Variants in OLFML2A observed in about 807,000 individuals in gnomAD.
OLFML2A encodes the protein olfactomedin like 2A, also known as olfactomedin-like protein 2A.
OLFML2A carries 47 observed loss-of-function variants against 60.9 expected under a neutral mutation model. The ratio of observed to expected loss-of-function variants is 0.77; its 90% CI spans 0.61 to 0.98. The LOEUF (loss-of-function observed/expected upper bound fraction) is 0.98. Among genes scored for constraint, OLFML2A ranks in the 50% least tolerant of loss-of-function variants. The probability of loss-of-function intolerance (pLI) is 0.00; values close to 1 mark genes in which losing one functional copy is unlikely to be tolerated. For synonymous variants in OLFML2A, 372 were observed against 375.0 expected (o/e 0.99, Z 0.09); for missense variants, 922 against 879.8 (o/e 1.05, Z -0.61).
rs745333156 is a variant in OLFML2A at position 124,799,443 on chromosome 9, C to T, written c.621C>T (p.Ala207=). ...RLGLQLLQKD[A]AAAPATPATG... ...GCCTCCAGCTGCTGCAGAAGGATGC[C>T]GCCGCCGCCCCTGCCACCCCTGCCA... The change falls in exon 4 of 8, where the codon GCC becomes GCT. Residue 207 remains alanine (A), a synonymous_variant. Coordinates refer to ENST00000373580, the MANE Select transcript of OLFML2A (RefSeq NM_182487.4). 8.7e-6 allele frequency: 14 copies of T among 1,608,536 alleles called. No individual in the cohort carries two copies. Among genetic ancestry groups the T allele is most frequent in the East Asian group, 4.5e-5 (2 of 44,642 alleles).
chr9:124,792,185 C>G (rs1401362513), intron 2 of OLFML2A, among the ~76,000 whole-genome samples: 2 of 152,200 alleles, frequency 1.3e-5, no homozygotes, highest in African/African-American at 4.8e-5. Flanking sequence ...CTACCTGTGC[C>G]CCTGATTCTG....
At position 124,814,455 on chromosome 9, in the gene OLFML2A, TC is replaced by T. The variant is rs5900626; in HGVS notation, c.*4051del. On this transcript the variant is annotated 3_prime_UTR_variant, in exon 8 of 8. Coordinates refer to ENST00000373580, the MANE Select transcript of OLFML2A (RefSeq NM_182487.4). ...GACCCTTCTAGAGCTTTACCCCTAA[TC>T]CCCCCCCAGGAGCCCCGAGGCCGGC... 0.092 allele frequency: 13,919 copies of T among 151,352 alleles called. 1,559 individuals are homozygous for T. Among genetic ancestry groups the T allele is most frequent in the East Asian group, 0.41 (2,104 of 5,142 alleles). The allele number at this position is 151,352 out of a possible 1,614,324, so 9.4% of individuals were successfully genotyped here. A position where few individuals can be genotyped will look rare whatever the true frequency, so the allele number is the denominator to read the frequency against.
At chr9:124,796,681 G>A (rs536637857) in intron 3 of OLFML2A, among the ~76,000 whole-genome samples, 6 of 152,160 alleles carry the variant, frequency 3.9e-5, no homozygotes, top group Admixed American at 1.3e-4. Flanking sequence ...AAAACCTCCC[G>A]GGGGATAAGC....
At chr9:124,808,097 A>G (rs981020225) in intron 7 of OLFML2A, 131 bp downstream of exon 7, 1 of 695,064 alleles carries the variant, frequency 1.4e-6, no homozygotes, top group Non-Finnish European at 2.4e-6. Flanking sequence ...ATTGTTAGCC[A>G]CCCCAAGGAG....
Position 124,779,666 on chromosome 9 carries a change from C to G in OLFML2A, c.90+2306C>G, listed in dbSNP as rs532153240. ...CAGCACAGCCCTCCCCCAGACACCT[C>G]CCACCCCCAAACCACTTCAGCCAGC... On this transcript the variant is annotated intron_variant, in intron 1 of 7. Coordinates refer to ENST00000373580, the MANE Select transcript of OLFML2A (RefSeq NM_182487.4). This position sits in a 1 kb window ranked among gnomAD's most constrained non-coding sequence, Gnocchi z 4.1. Among the ~76,000 whole-genome samples the G allele has an allele frequency of 2.6e-5, 4 of 152,038 alleles. No homozygotes were observed. In the East Asian group the frequency reaches 7.7e-4, roughly 29 times the overall value.
At chr9:124,807,574 C>T (rs945295767) in intron 6 of OLFML2A, among the ~76,000 whole-genome samples, 9 of 152,156 alleles carry the variant, frequency 5.9e-5, no homozygotes, top group Admixed American at 4.6e-4. Context: ...TCAGCCATTG[C>T]GCCTGGCCTC....
At chr9:124,782,788 C>G (rs1006671435) in intron 1 of OLFML2A, among the ~76,000 whole-genome samples, 23 of 152,204 alleles carry the variant, frequency 1.5e-4, no homozygotes, top group African/African-American at 5.5e-4. Flanking sequence ...AGGAATGTCA[C>G]GGTCCGATGT....
chr9:124,797,038 C>G (rs537743446), intron 3 of OLFML2A, among the ~76,000 whole-genome samples: 44 of 152,286 alleles, frequency 2.9e-4, no homozygotes, highest in South Asian at 8.3e-4. Flanking sequence ...GGGTCTCACT[C>G]TGTAGGCCAG....
intron 2 of OLFML2A, among the ~76,000 whole-genome samples, chr9:124,789,848 T>G (rs1306309469): frequency 6.6e-6 from 1 of 152,240 alleles, no homozygotes; most frequent in Non-Finnish European, 1.5e-5. Flanking sequence ...AGCTTGGCAG[T>G]CCCTGGATCA....
At position 124,813,634 on chromosome 9, in the gene OLFML2A, G is replaced by A. The variant is rs1427316296; in HGVS notation, c.*3222G>A. 3.3e-5 allele frequency: 5 copies of A among 152,202 alleles called. No homozygotes were observed. Among genetic ancestry groups the A allele is most frequent in the Admixed American group, 3.3e-4 (5 of 15,278 alleles). 9.4% of individuals were successfully genotyped at this position (152,202 alleles called of 1,614,324 possible). A position where few individuals can be genotyped will look rare whatever the true frequency, so the allele number is the denominator to read the frequency against. On this transcript the variant is annotated 3_prime_UTR_variant, in exon 8 of 8. Coordinates refer to ENST00000373580, the MANE Select transcript of OLFML2A (RefSeq NM_182487.4). ...TCCACAGAGAAGCCCCAAGAAGGAG[G>A]TTGGGGCCAGCTCATAAAAAGCCTG...
chr9:124,801,762 C>A, intron 5 of OLFML2A, 99 bp downstream of exon 5: 2 of 1,299,292 alleles, frequency 1.5e-6, no homozygotes, highest in Non-Finnish European at 2.1e-6. Context: ...AGATTCAGTT[C>A]CACCCATTGA....
chr9:124,800,537 C>T (rs1342072598), intron 4 of OLFML2A, among the ~76,000 whole-genome samples: 2 of 152,208 alleles, frequency 1.3e-5, no homozygotes, highest in Admixed American at 1.3e-4. Context: ...CTCTTCCTCT[C>T]TTCTTCTCCA....
intron 2 of OLFML2A, among the ~76,000 whole-genome samples, chr9:124,789,568 C>T (rs1005473050): frequency 3.2e-4 from 48 of 152,296 alleles, no homozygotes; most frequent in African/African-American, 1.1e-3. Flanking sequence ...GATGCCTGCC[C>T]TTTCTTCTGG....
chr9:124,786,936 G>A, intron 1 of OLFML2A, 39 bp from the exon 2 acceptor site: 1 of 1,582,696 alleles, frequency 6.3e-7, no homozygotes. Context: ...GCACTGCCTA[G>A]CAGCAACTCA....
At chr9:124,781,333 T>G (rs538420177) in intron 1 of OLFML2A, among the ~76,000 whole-genome samples, 56 of 152,118 alleles carry the variant, frequency 3.7e-4, no homozygotes, top group South Asian at 2.1e-4. Context: ...TAGGTGGACA[T>G]GGGTCTGGGA....
intron 5 of OLFML2A, among the ~76,000 whole-genome samples, chr9:124,803,725 G>T (rs1335190061): frequency 1.3e-5 from 2 of 152,240 alleles, no homozygotes; most frequent in Non-Finnish European, 2.9e-5. Context: ...TGATGCATAG[G>T]AAGGAAAGGG....
intron 2 of OLFML2A, among the ~76,000 whole-genome samples, chr9:124,788,127 C>G (rs1257668744): frequency 6.6e-6 from 1 of 150,674 alleles, no homozygotes; most frequent in Non-Finnish European, 1.5e-5. Context: ...ATGATGAAAC[C>G]CTGTTTCTGC....
At chr9:124,786,646 A>G (rs1192905133) in intron 1 of OLFML2A, among the ~76,000 whole-genome samples, 3 of 149,120 alleles carry the variant, frequency 2.0e-5, no homozygotes, top group Non-Finnish European at 4.5e-5. Context: ...GCGTGAACCC[A>G]GGAGGCGGAG....
At chr9:124,798,017 A>G (rs1264816814) in intron 3 of OLFML2A, among the ~76,000 whole-genome samples, 1 of 152,190 alleles carries the variant, frequency 6.6e-6, no homozygotes, top group Admixed American at 6.5e-5. Flanking sequence ...CAGTGCTGGG[A>G]GAGGAGCCGG....
Sources: gnomAD v4.1 joint callset for allele counts (sites outside exome capture counted in the v4.1 genomes callset) on GRCh38, gnomAD v4.1.1 for gene constraint, Gnocchi (gnomAD v3.1) non-coding constraint, MANE v1.5 for transcripts, NCBI Gene and HGNC (gene_info 2026-07-23, HGNC 2026-07-21) for gene names.